F5: variants seen among roughly 807,000 people sequenced by gnomAD.
The protein encoded by F5 is coagulation factor V.
A neutral mutation model predicts 216.4 loss-of-function variants in F5; 138 were observed. The ratio of observed to expected loss-of-function variants is 0.64; its 90% CI spans 0.56 to 0.73. F5 has a LOEUF of 0.73. Ranked by LOEUF, F5 falls within the 30% of genes least tolerant of loss-of-function variation. The probability of loss-of-function intolerance (pLI) is 0.00; values close to 1 mark genes in which losing one functional copy is unlikely to be tolerated. For synonymous variants in F5, 916 were observed against 930.7 expected, an observed-to-expected ratio of 0.98 and a Z score of 0.29; for missense variants, 2,403 against 2,674.0, an observed-to-expected ratio of 0.90 and a Z score of 2.24.
chr1:169,517,174 G>A (rs535132408), intron 23 of F5, among the ~76,000 whole-genome samples: 17 of 152,242 alleles, frequency 1.1e-4, no homozygotes, highest in Admixed American at 2.6e-4. Context: ...ATGGTGGAAG[G>A]AGCATGGCCT....
At chr1:169,523,710 A>T in intron 20 of F5, 91 bp downstream of exon 20, 2 of 1,173,800 alleles carry the variant, frequency 1.7e-6, no homozygotes, top group Non-Finnish European at 2.5e-6. Flanking sequence ...TCCCCTAACA[A>T]CATTGCAAGA....
rs1557902677 is a variant in F5 at position 169,514,255 on chromosome 1, A to G, written c.*58T>C. The G allele has an allele frequency of 2.0e-6, 3 of 1,537,516 alleles. No homozygotes were observed. Among genetic ancestry groups the G allele is most frequent in the Admixed American group, 1.7e-5 (1 of 59,708 alleles). Reference sequence around the variant, plus strand: ...TAACACAGCGTAAAATACATTGCCCATTCTAAATGGTTTGAGGTCTTAAAG... The same window carrying G: ...TAACACAGCGTAAAATACATTGCCCGTTCTAAATGGTTTGAGGTCTTAAAG... On this transcript the variant is annotated 3_prime_UTR_variant, in exon 25 of 25. Transcript: ENST00000367797.
chr1:169,544,265 T>C, intron 12 of F5, 31 bp downstream of exon 12: 2 of 1,596,468 alleles, frequency 1.3e-6, no homozygotes, highest in Non-Finnish European at 1.7e-6. Flanking sequence ...CAAAGCAAGC[T>C]TCCTCTGTGA....
chr1:169,565,991 G>T (rs1354922200), intron 3 of F5, among the ~76,000 whole-genome samples: 2 of 152,088 alleles, frequency 1.3e-5, no homozygotes, highest in African/African-American at 4.8e-5. Context: ...AAGAAAAAAA[G>T]TTTATGGAGA....
intron 17 of F5, 150 bp from the exon 18 acceptor site, chr1:169,526,167 C>T: frequency 1.7e-6 from 1 of 598,374 alleles, no homozygotes; most frequent in Non-Finnish European, 3.0e-6. Context: ...GAAAGTATAA[C>T]AGATAAAAAC....
At position 169,541,536 on chromosome 1, in the gene F5, A is replaced by C; in HGVS notation, c.3554T>G (p.Val1185Gly). The change falls in exon 13 of 25, where the codon GTC (valine) becomes GGC (glycine). Residue 1185 changes from valine (V) to glycine (G), a missense_variant. Val to Gly is a moderately radical substitution (Grantham distance 109, BLOSUM62 -3). Coordinates refer to ENST00000367797, the MANE Select transcript of F5 (RefSeq NM_000130.5). ...PSSEHEVWQT[V>G]ISPDLSQVTL... The stretch of plus-strand genomic sequence containing the variant: ...CACCTGGCTGAGGTCTGGAGAGATG[A>C]CTGTCTGCCAGACTTCATGTTCTGA... 1 of 1,614,046 alleles carries C rather than the reference A, an allele frequency of 6.2e-7. No homozygotes were observed. Among genetic ancestry groups the C allele is most frequent in the Non-Finnish European group, 8.5e-7 (1 of 1,179,994 alleles).
rs562459695 is a variant in F5, at chr1:169,540,147, A to G, written c.4796+147T>C. The stretch of plus-strand genomic sequence containing the variant: ...GTAAAGAAGCAATCTTGGAATTGAC[A>G]AAGGAAAAAGAACAGGCCAACTTGC... On this transcript the variant is annotated intron_variant, in intron 13 of 24. Coordinates refer to ENST00000367797, the MANE Select transcript of F5 (RefSeq NM_000130.5). 56 of 771,882 alleles carry G rather than the reference A, an allele frequency of 7.3e-5. No homozygotes were observed. The East Asian group carries it at 1.4e-3, about 19-fold the overall frequency. The allele number at this position is 771,882 out of a possible 1,614,324, so 47.8% of individuals were successfully genotyped here. A position where few individuals can be genotyped will look rare whatever the true frequency, so the allele number is the denominator to read the frequency against.
intron 2 of F5, among the ~76,000 whole-genome samples, chr1:169,575,940 T>C (rs1347804818): frequency 6.6e-6 from 1 of 152,138 alleles, no homozygotes; most frequent in Non-Finnish European, 1.5e-5. Context: ...GTGGATCCCA[T>C]GTAATAACAA....
chr1:169,532,054 A>T (rs1378098948), intron 14 of F5, among the ~76,000 whole-genome samples: 2 of 152,240 alleles, frequency 1.3e-5, no homozygotes, highest in African/African-American at 2.4e-5. Flanking sequence ...TATGCAAATC[A>T]ATAAATGTGA....
intron 13 of F5, among the ~76,000 whole-genome samples, chr1:169,538,606 G>T (rs1557570): frequency 0.31 from 46,454 of 151,942 alleles, 7,475 homozygotes; most frequent in Admixed American, 0.45. Context: ...AAAAAAACTG[G>T]GGTACACCCA....
intron 3 of F5, among the ~76,000 whole-genome samples, chr1:169,567,542 CTTTT>C (rs35544182): frequency 6.4e-5 from 9 of 141,366 alleles, no homozygotes; most frequent in Admixed American, 6.9e-5. Flanking sequence ...GGTAAAAGTA[CTTTT>C]TTTTTTTTTT....
chr1:169,577,715 C>T (rs1660895634), intron 2 of F5, among the ~76,000 whole-genome samples: 1 of 150,940 alleles, frequency 6.6e-6, no homozygotes, highest in Admixed American at 6.6e-5. Context: ...GCTGGGATTA[C>T]AGTCATGAGC....
chr1:169,552,002 G>T (rs956096208), intron 8 of F5, among the ~76,000 whole-genome samples: 2 of 152,104 alleles, frequency 1.3e-5, no homozygotes, highest in Non-Finnish European at 2.9e-5. Flanking sequence ...GCTATAATGA[G>T]AAATATTTTA....
rs2101829759 is a variant in F5 at position 169,556,057 on chromosome 1, C to A, written c.952+589G>T. ...AAGCAAAAATGTGTAGTAGAACAAT[C>A]AGTTATTTTGTTTACACGATACCAC... On this transcript the variant is annotated intron_variant, in intron 6 of 24. Coordinates refer to ENST00000367797, the MANE Select transcript of F5 (RefSeq NM_000130.5). Among the ~76,000 whole-genome samples the A allele has an allele frequency of 1.3e-5, 2 of 152,194 alleles. 1 individual carries two copies. The highest frequency in any genetic ancestry group is 3.9e-4 in the East Asian group (2 of 5,184).
chr1:169,586,037 G>A (rs1473052802), intron 1 of F5, among the ~76,000 whole-genome samples, 192 bp downstream of exon 1: 8 of 151,102 alleles, frequency 5.3e-5, no homozygotes, highest in Admixed American at 1.3e-4. Context: ...CCCTCAGAAT[G>A]ATAAACTACA....
At position 169,586,477 on chromosome 1, in the gene F5, G is replaced by A; in HGVS notation, c.-91C>T. ...AACCACACTCCGGGCTGTCCCAGCT[G>A]CAATGAGCTCTAGAGGCTGTGGGTG... On this transcript the variant is annotated 5_prime_UTR_variant, in exon 1 of 25. Transcript: ENST00000367797. 1 of 1,522,490 alleles carries A rather than the reference G, an allele frequency of 6.6e-7. No homozygotes were observed. Among genetic ancestry groups the A allele is most frequent in the South Asian group, 1.2e-5 (1 of 84,412 alleles). The allele number at this position is 1,522,490 out of a possible 1,614,324, so 94.3% of individuals were successfully genotyped here.
intron 10 of F5, 89 bp from the exon 11 acceptor site, chr1:169,546,681 C>G: frequency 9.0e-7 from 1 of 1,112,304 alleles, no homozygotes; most frequent in Admixed American, 1.7e-5. Context: ...AGGCTGCGCA[C>G]CTACAACTAT....
chr1:169,526,079 G>T, intron 17 of F5, 62 bp from the exon 18 acceptor site: 3 of 1,137,250 alleles, frequency 2.6e-6, no homozygotes, highest in South Asian at 1.2e-5. Flanking sequence ...GTGGTTGATA[G>T]TTCTCTAAGA....
intron 19 of F5, among the ~76,000 whole-genome samples, chr1:169,524,437 C>G (rs1176328176): frequency 1.3e-5 from 2 of 152,134 alleles, no homozygotes; most frequent in East Asian, 1.9e-4. Flanking sequence ...GTGGTCAAAC[C>G]CAGAAAAGAT....
Sources: gnomAD v4.1 joint callset for allele counts (sites outside exome capture counted in the v4.1 genomes callset) on GRCh38, gnomAD v4.1.1 for gene constraint, MANE v1.5 for transcripts, NCBI Gene and HGNC (gene_info 2026-07-23, HGNC 2026-07-21) for gene names.